Variants in TTYH3 observed in about 807,000 individuals in gnomAD.
TTYH3 encodes tweety family member 3, also known as protein tweety homolog 3.
In TTYH3, 23 loss-of-function variants were observed where a neutral mutation model predicts 68.2. The ratio of observed to expected loss-of-function variants is 0.34; its 90% CI spans 0.24 to 0.48. TTYH3 has a LOEUF of 0.48. Among genes scored for constraint, TTYH3 ranks in the 20% least tolerant of loss-of-function variants. The pLI is 0.99. For synonymous variants in TTYH3, 360 were observed against 332.8 expected, an observed-to-expected ratio of 1.08 and a Z score of -0.89; for missense variants, 768 against 727.7, an observed-to-expected ratio of 1.06 and a Z score of -0.64.
chr7:2,642,324 T>A (rs1333533346), intron 1 of TTYH3, among the ~76,000 whole-genome samples: 2 of 151,826 alleles, frequency 1.3e-5, no homozygotes, highest in African/African-American at 4.8e-5. Context: ...GCAGATCACC[T>A]AAGGTCAGGA....
At position 2,658,339 on chromosome 7, in the gene TTYH3, A is replaced by G; in HGVS notation, c.1304A>G (p.His435Arg). The change falls in exon 12 of 14, where the codon CAC (histidine) becomes CGC (arginine). Residue 435 changes from histidine (H) to arginine (R), a missense_variant. His to Arg is a conservative substitution (Grantham distance 29, BLOSUM62 0). Transcript: ENST00000258796. ...EEAAPGPRQAHDSLYRVHMPS... is the reference protein window; with the variant it reads ...EEAAPGPRQARDSLYRVHMPS... ...GCCGCTCCAGGGCCGCGGCAGGCGC[A>G]CGACAGCCTCTACCGCGTCCACATG... is the stretch of plus-strand genomic sequence containing the variant. 6.2e-7 allele frequency: 1 copy of G among 1,606,282 alleles called. No individual in the cohort carries two copies. The highest frequency in any genetic ancestry group is 8.5e-7 in the Non-Finnish European group (1 of 1,176,986).
chr7:2,648,352 T>A, intron 5 of TTYH3: 1 of 348,958 alleles, frequency 2.9e-6, no homozygotes, highest in Non-Finnish European at 5.2e-6. Flanking sequence ...TCCGAGTGCC[T>A]GGGGCCACCC....
At chr7:2,632,308 C>A in intron 1 of TTYH3, 30 bp downstream of exon 1, 1 of 1,531,434 alleles carries the variant, frequency 6.5e-7, no homozygotes, top group Non-Finnish European at 8.8e-7. Context: ...GTCGCGGGGT[C>A]AGGGACCCCA....
At position 2,656,170 on chromosome 7, in the gene TTYH3, C is replaced by T. The variant is rs1341648511; in HGVS notation, c.1099C>T (p.Arg367Cys). 1.0e-5 allele frequency: 16 copies of T among 1,567,994 alleles called. No homozygotes were observed. Among genetic ancestry groups the T allele is most frequent in the Non-Finnish European group, 1.4e-5 (16 of 1,156,834 alleles). Residue 367 changes from arginine (R) to cysteine (C), a missense_variant, in exon 10 of 14, where the codon CGC (arginine) becomes TGC (cysteine). Arg to Cys is a radical substitution (Grantham distance 180). Coordinates refer to ENST00000258796, the MANE Select transcript of TTYH3 (RefSeq NM_025250.3). ...LQHLTALVDCRSLHLDYVQAL... is the reference protein window; with the variant it reads ...LQHLTALVDCCSLHLDYVQAL... ...GCACCTCACCGCCCTGGTGGACTGC[C>T]GCAGCCTGCATCTGGTGAGAGGCAG...
chr7:2,644,158 G>C (rs1013405412), intron 1 of TTYH3, among the ~76,000 whole-genome samples: 1 of 152,186 alleles, frequency 6.6e-6, no homozygotes, highest in Non-Finnish European at 1.5e-5. Context: ...CATGGGTCCT[G>C]TGGAGCTCTG....
At chr7:2,634,225 C>T (rs1048294715) in intron 1 of TTYH3, among the ~76,000 whole-genome samples, 3 of 152,232 alleles carry the variant, frequency 2.0e-5, no homozygotes, top group African/African-American at 7.2e-5. Context: ...GTGCGTCCTG[C>T]CCCTGCCCTT....
At chr7:2,651,843 A>G in intron 7 of TTYH3, among the ~76,000 whole-genome samples, 1 of 152,144 alleles carries the variant, frequency 6.6e-6, no homozygotes, top group Non-Finnish European at 1.5e-5. Flanking sequence ...CTCTGGCTTG[A>G]TGGGAGCCCA....
chr7:2,637,175 T>G (rs1008158850), intron 1 of TTYH3, among the ~76,000 whole-genome samples: 3 of 141,158 alleles, frequency 2.1e-5, no homozygotes, highest in Non-Finnish European at 4.6e-5. Flanking sequence ...ATCTCCATGG[T>G]GACCCTTCTT....
Position 2,645,802 on chromosome 7 carries a change from C to T in TTYH3, c.124-1051C>T. ...CTTTCATGGTCAGCAAGAGGGGGTT[C>T]AGTCCCCCACAGGCTCCCAATTTCC... is the stretch of plus-strand genomic sequence containing the variant. On this transcript the variant is annotated intron_variant, in intron 1 of 13. Coordinates refer to ENST00000258796, the MANE Select transcript of TTYH3 (RefSeq NM_025250.3). This position sits in a 1 kb window ranked among gnomAD's most constrained non-coding sequence, Gnocchi z 4.8. 1 of 470,994 alleles carries T rather than the reference C, an allele frequency of 2.1e-6. No homozygotes were observed. Among genetic ancestry groups the T allele is most frequent in the Non-Finnish European group, 4.4e-6 (1 of 227,016 alleles). The allele number at this position is 470,994 out of a possible 1,614,324, so 29.2% of individuals were successfully genotyped here.
intron 1 of TTYH3, among the ~76,000 whole-genome samples, chr7:2,640,021 G>A (rs1785793008): frequency 6.6e-6 from 1 of 151,942 alleles, no homozygotes; most frequent in South Asian, 2.1e-4. Flanking sequence ...ACCCGCCCCC[G>A]CTGTGTGACT....
At chr7:2,647,817 C>T (rs767063133) in intron 4 of TTYH3, 142 bp from the exon 5 acceptor site, 64 of 1,100,530 alleles carry the variant, frequency 5.8e-5, no homozygotes, top group Non-Finnish European at 7.8e-5. Context: ...CAAGAACTGA[C>T]ACCAGTCCCC....
chr7:2,649,086 G>C (rs898355096), intron 5 of TTYH3, among the ~76,000 whole-genome samples: 2 of 152,082 alleles, frequency 1.3e-5, no homozygotes, highest in African/African-American at 4.8e-5. Context: ...GGATCAAAGG[G>C]AGCCAGATGT....
In TTYH3 at chr7:2,664,122, G is replaced by A. The variant is rs1019313623; in HGVS notation, c.*2383G>A. 1 of 152,518 alleles carries A rather than the reference G, an allele frequency of 6.6e-6. No individual in the cohort carries two copies. The highest frequency in any genetic ancestry group is 1.5e-5 in the Non-Finnish European group (1 of 68,060). 9.4% of individuals were successfully genotyped at this position (152,518 alleles called of 1,614,324 possible). On this transcript the variant is annotated 3_prime_UTR_variant, in exon 14 of 14. Coordinates refer to ENST00000258796, the MANE Select transcript of TTYH3 (RefSeq NM_025250.3). ...GGACAGGGTGGCCCTGGGGACAAGA[G>A]GGAGGAGCCCAGGGGCTTACCTCAC...
intron 4 of TTYH3, 44 bp from the exon 5 acceptor site, chr7:2,647,915 C>T (rs751875170): frequency 1.3e-6 from 2 of 1,594,292 alleles, no homozygotes; most frequent in Non-Finnish European, 1.7e-6. Context: ...CACTCCCAGG[C>T]CCCGGGTCCC....
intron 13 of TTYH3, among the ~76,000 whole-genome samples, chr7:2,661,022 C>T (rs2115001042): frequency 6.6e-6 from 1 of 152,312 alleles, no homozygotes; most frequent in East Asian, 1.9e-4. Context: ...CCTGCAGCCG[C>T]CTCTGTTCCT....
At chr7:2,643,925 C>T (rs1287292754) in intron 1 of TTYH3, among the ~76,000 whole-genome samples, 1 of 152,170 alleles carries the variant, frequency 6.6e-6, no homozygotes. Context: ...ATGTGGGGTG[C>T]AGTACAGACA....
intron 1 of TTYH3, among the ~76,000 whole-genome samples, chr7:2,638,994 C>T (rs1024173757): frequency 6.6e-6 from 1 of 152,122 alleles, no homozygotes; most frequent in African/African-American, 2.4e-5. Context: ...CTAGGGATCC[C>T]GCCCCTTTCC....
At chr7:2,647,738 G>A (rs1786039728) in intron 4 of TTYH3, 100 bp downstream of exon 4, 1 of 1,309,398 alleles carries the variant, frequency 7.6e-7, no homozygotes. Context: ...GGCCTGATGG[G>A]CAGGGTGTGG....
intron 7 of TTYH3, among the ~76,000 whole-genome samples, chr7:2,650,729 G>A (rs1562715162): frequency 1.3e-5 from 2 of 152,064 alleles, no homozygotes; most frequent in Non-Finnish European, 2.9e-5. Flanking sequence ...GGCCATTGGA[G>A]GGAGGGAGGC....
Sources: gnomAD v4.1 joint callset for allele counts (sites outside exome capture counted in the v4.1 genomes callset) on GRCh38, gnomAD v4.1.1 for gene constraint, Gnocchi (gnomAD v3.1) non-coding constraint, MANE v1.5 for transcripts, NCBI Gene and HGNC (gene_info 2026-07-23, HGNC 2026-07-21) for gene names.